The following PDE1C variants were observed in gnomAD, a reference collection of about 807,000 sequenced individuals.
PDE1C encodes phosphodiesterase 1C, also known as dual specificity calcium/calmodulin-dependent 3',5'-cyclic nucleotide phosphodiesterase 1C.
PDE1C carries 62 observed loss-of-function variants against 93.1 expected under a neutral mutation model. The ratio of observed to expected loss-of-function variants is 0.67; its 90% CI spans 0.54 to 0.82. The LOEUF is 0.82. Among genes scored for constraint, PDE1C ranks in the 40% least tolerant of loss-of-function variants. The probability of loss-of-function intolerance (pLI) is 0.00; values close to 1 mark genes in which losing one functional copy is unlikely to be tolerated. For synonymous variants in PDE1C, 325 were observed against 310.1 expected (o/e 1.05, Z -0.50); for missense variants, 742 against 884.6 (o/e 0.84, Z 2.04).
At chr7:31,731,499 T>C in the PDE1C span, among the ~76,000 whole-genome samples, 16 of 152,280 alleles carry the variant, frequency 1.1e-4, no homozygotes, top group East Asian at 2.5e-3. Flanking sequence ...CAAATGATTC[T>C]CCTGCCTCAG....
At chr7:31,734,025 T>C in the PDE1C span, among the ~76,000 whole-genome samples, 2 of 152,060 alleles carry the variant, frequency 1.3e-5, no homozygotes, top group Admixed American at 1.3e-4. Context: ...AAATGTTTTT[T>C]TCATGCATAA....
chr7:31,940,846 CCACA>C (rs796145290), intron 2 of PDE1C, among the ~76,000 whole-genome samples: 50 of 152,196 alleles, frequency 3.3e-4, no homozygotes, highest in African/African-American at 1.2e-3. Flanking sequence ...CCTCCTCCCT[CCACA>C]CACACAGACC....
chr7:32,382,416 C>T (rs140425183), intron 1 of PDE1C, among the ~76,000 whole-genome samples: 100 of 152,238 alleles, frequency 6.6e-4, no homozygotes, highest in Non-Finnish European at 1.2e-3. Context: ...TACCTTGTAT[C>T]CCTGTCCCCA....
intron 17 of PDE1C, among the ~76,000 whole-genome samples, chr7:31,773,842 C>T (rs965556412): frequency 6.6e-6 from 1 of 152,144 alleles, no homozygotes; most frequent in South Asian, 2.1e-4. Context: ...GAAAAAGCCA[C>T]CTATCAATGT....
chr7:32,028,801 G>A (rs1182276002), intron 2 of PDE1C, among the ~76,000 whole-genome samples: 3 of 151,944 alleles, frequency 2.0e-5, no homozygotes, highest in Non-Finnish European at 4.4e-5. Flanking sequence ...AATTCCTCCT[G>A]TGTAACTGAG....
chr7:32,421,647 C>G (rs1308593236), intron 1 of PDE1C, among the ~76,000 whole-genome samples: 1 of 152,142 alleles, frequency 6.6e-6, no homozygotes, highest in Non-Finnish European at 1.5e-5. Context: ...AATCATGGGA[C>G]TCCTGAAAGT....
chr7:31,844,139 G>A (rs1792252104), intron 9 of PDE1C, among the ~76,000 whole-genome samples: 1 of 151,414 alleles, frequency 6.6e-6, no homozygotes, highest in Admixed American at 6.6e-5. Context: ...AAGAAAAATG[G>A]TATTTTACAT....
intron 7 of PDE1C, among the ~76,000 whole-genome samples, chr7:31,851,676 A>G (rs1236572219): frequency 6.6e-6 from 1 of 152,194 alleles, no homozygotes; most frequent in African/African-American, 2.4e-5. Flanking sequence ...TTTATTCTAA[A>G]CCACATTTTA....
chr7:32,104,061 A>T (rs574212468), intron 3 of PDE1C, among the ~76,000 whole-genome samples: 3 of 152,376 alleles, frequency 2.0e-5, no homozygotes, highest in African/African-American at 7.2e-5. Context: ...ACGCTCAGAC[A>T]TCTGACTGAG....
chr7:31,744,030 C>T, the PDE1C span, among the ~76,000 whole-genome samples: 45 of 152,100 alleles, frequency 3.0e-4, no homozygotes, highest in South Asian at 2.3e-3. Flanking sequence ...AAGAGACAGG[C>T]GGGGGAACAG....
intron 2 of PDE1C, among the ~76,000 whole-genome samples, chr7:31,913,100 G>A (rs1801452226): frequency 6.6e-6 from 1 of 152,102 alleles, no homozygotes; most frequent in South Asian, 2.1e-4. Context: ...TCAGTCTGAG[G>A]ACTCCAGCAT....
At chr7:32,153,139 G>C (rs1018360881) in intron 3 of PDE1C, among the ~76,000 whole-genome samples, 1 of 152,210 alleles carries the variant, frequency 6.6e-6, no homozygotes, top group Non-Finnish European at 1.5e-5. Flanking sequence ...GCTTTTGAAA[G>C]CTTCTACAGA....
intron 3 of PDE1C, among the ~76,000 whole-genome samples, chr7:32,139,725 C>A (rs748604549): frequency 7.2e-5 from 11 of 152,078 alleles, no homozygotes; most frequent in Admixed American, 2.0e-4. Context: ...GTAATTTTAG[C>A]CAATGAGACA....
the PDE1C span, among the ~76,000 whole-genome samples, chr7:31,619,944 C>G: frequency 3.7e-3 from 569 of 152,292 alleles, 8 homozygotes; most frequent in East Asian, 0.073. Context: ...AACGGCGCAC[C>G]AGGAGACTAT....
At chr7:31,900,412 T>TA (rs1446887724) in intron 2 of PDE1C, among the ~76,000 whole-genome samples, 1 of 124,444 alleles carries the variant, frequency 8.0e-6, no homozygotes, top group East Asian at 2.4e-4. Flanking sequence ...TATTCCTGGC[T>TA]ACCTTTTTTT....
chr7:31,700,969 A>G, the PDE1C span, among the ~76,000 whole-genome samples: 2 of 152,220 alleles, frequency 1.3e-5, no homozygotes, highest in Non-Finnish European at 2.9e-5. Flanking sequence ...AAGAGCTCTG[A>G]TGGAGGCACA....
At chr7:32,165,972 C>T (rs1023529174) in intron 3 of PDE1C, among the ~76,000 whole-genome samples, 3 of 151,676 alleles carry the variant, frequency 2.0e-5, no homozygotes, top group African/African-American at 7.3e-5. Flanking sequence ...GATTGTGATG[C>T]ACACTCAAGT....
At chr7:31,798,942 G>T (rs1785645881) in intron 16 of PDE1C, among the ~76,000 whole-genome samples, 1 of 151,654 alleles carries the variant, frequency 6.6e-6, no homozygotes, top group Non-Finnish European at 1.5e-5. Context: ...CTTTATTCTG[G>T]CATATAAAGA....
chr7:32,013,653 GCTATGAC>G (rs1215509506), intron 2 of PDE1C, among the ~76,000 whole-genome samples: 2 of 152,214 alleles, frequency 1.3e-5, no homozygotes, highest in Non-Finnish European at 2.9e-5. Flanking sequence ...AAAGGAACAG[GCTATGAC>G]CTAATGCTTG....
Sources: allele counts gnomAD v4.1 joint callset (sites outside exome capture counted in the v4.1 genomes callset), GRCh38; gene constraint gnomAD v4.1.1; transcripts MANE v1.5; gene names NCBI Gene and HGNC (gene_info 2026-07-23, HGNC 2026-07-21).